The following UGT1A8 variants were observed in gnomAD, a reference collection of about 807,000 sequenced individuals.
UGT1A8 encodes the protein UDP glucuronosyltransferase family 1 member A8.
Under a neutral mutation model 45.3 loss-of-function variants are expected in UGT1A8, and 39 were observed. The observed-to-expected ratio is 0.86, with a 90% CI of 0.67 to 1.12. UGT1A8 has a LOEUF of 1.12. Ranked by LOEUF, UGT1A8 falls within the 50% of genes most tolerant of loss-of-function variation. The probability of loss-of-function intolerance (pLI) is 0.00; values close to 1 mark genes in which losing one functional copy is unlikely to be tolerated. For missense variants in UGT1A8, 719 were observed against 664.9 expected (o/e 1.08, Z -0.90); for synonymous variants, 275 against 249.2 (o/e 1.10, Z -0.97).
intron 1 of UGT1A8, chr2:233,753,231 A>G (rs1378697040): frequency 1.3e-5 from 2 of 152,142 alleles, no homozygotes; most frequent in African/African-American, 4.8e-5. Flanking sequence ...CTTCTTGTAT[A>G]GTTATTATTT....
intron 1 of UGT1A8, chr2:233,636,998 A>G: frequency 1.2e-6 from 2 of 1,613,946 alleles, no homozygotes; most frequent in Non-Finnish European, 1.7e-6. Flanking sequence ...ATTGTTGCTA[A>G]ATATTTCTCC....
In UGT1A8 at chr2:233,617,676, TCCCAGCTG is replaced by T. The variant is rs2072925371; in HGVS notation, c.-30_-23del. The T allele has an allele frequency of 6.3e-7, 1 of 1,594,840 alleles. No individual in the cohort carries two copies. The highest frequency in any genetic ancestry group is 1.1e-5 in the South Asian group (1 of 87,464). ...CCTACTGTATCATAGCAGCTTAGAA[TCCCAGCTG>T]CTGGCTCGGGCTGCAGTTCTCTCAT... On this transcript the variant is annotated 5_prime_UTR_variant, in exon 1 of 5. Transcript: ENST00000373450.
chr2:233,661,623 TTTTCTTTCTTTCTTTCTTTCTTTC>T (rs55749169), intron 1 of UGT1A8, among the ~76,000 whole-genome samples: 1,769 of 124,036 alleles, frequency 0.014, 17 homozygotes, highest in South Asian at 0.022. Context: ...ACTTACTGAA[TTTTCTTTCTTTCTTTCTTTCTTTC>T]TTTCTTTCTT....
chr2:233,697,312 G>A (rs150627234), intron 1 of UGT1A8, among the ~76,000 whole-genome samples: 114 of 152,132 alleles, frequency 7.5e-4, no homozygotes, highest in African/African-American at 2.7e-3. Flanking sequence ...TTGGTAGATT[G>A]TTTGTGTTTG....
chr2:233,741,535 C>T (rs1191111579), intron 1 of UGT1A8: 1 of 151,874 alleles, frequency 6.6e-6, no homozygotes, highest in East Asian at 1.9e-4. Context: ...CTGTCTTATT[C>T]TGATACTTCT....
chr2:233,748,602 G>C (rs1484667450), intron 1 of UGT1A8, among the ~76,000 whole-genome samples: 1 of 151,816 alleles, frequency 6.6e-6, no homozygotes, highest in Non-Finnish European at 1.5e-5. Flanking sequence ...AGTGGAAGTA[G>C]AGCAACGAAC....
intron 1 of UGT1A8, among the ~76,000 whole-genome samples, chr2:233,652,951 C>T (rs2073774636): frequency 6.6e-6 from 1 of 152,200 alleles, no homozygotes; most frequent in South Asian, 2.1e-4. Flanking sequence ...GAAACAACAA[C>T]AACAAAAAAC....
chr2:233,722,935 G>A (rs1228293492), intron 1 of UGT1A8, among the ~76,000 whole-genome samples: 1 of 129,296 alleles, frequency 7.7e-6, no homozygotes, highest in Non-Finnish European at 1.6e-5. Flanking sequence ...TTGTCTCCAT[G>A]CTGAGTGGGC....
chr2:233,656,782 C>G (rs866947986), intron 1 of UGT1A8, among the ~76,000 whole-genome samples: 6 of 152,118 alleles, frequency 3.9e-5, no homozygotes, highest in Non-Finnish European at 8.8e-5. Flanking sequence ...TCCCGCTGGC[C>G]AGGAGGGTTC....
intron 1 of UGT1A8, chr2:233,753,738 G>A (rs1695291371): frequency 6.6e-6 from 1 of 152,194 alleles, no homozygotes. Flanking sequence ...CCCAAGCACA[G>A]CAATAGGACA....
At chr2:233,749,725 C>T in intron 1 of UGT1A8, among the ~76,000 whole-genome samples, 1 of 151,866 alleles carries the variant, frequency 6.6e-6, no homozygotes, top group East Asian at 1.9e-4. Flanking sequence ...GGCAGTTTCG[C>T]ACCTGCTGGT....
chr2:233,680,713 T>C (rs977639275), intron 1 of UGT1A8, among the ~76,000 whole-genome samples: 7 of 152,232 alleles, frequency 4.6e-5, no homozygotes, highest in Admixed American at 2.0e-4. Context: ...TGTAATCTCA[T>C]CCTCAAGGGG....
intron 1 of UGT1A8, among the ~76,000 whole-genome samples, chr2:233,686,927 C>A (rs1301208091): frequency 1.3e-5 from 2 of 152,204 alleles, no homozygotes; most frequent in African/African-American, 4.8e-5. Flanking sequence ...ATCCCACTGG[C>A]TGACTCATGC....
chr2:233,754,718 T>C (rs548415116), intron 1 of UGT1A8: 30 of 561,924 alleles, frequency 5.3e-5, no homozygotes, highest in African/African-American at 4.6e-4. Flanking sequence ...TGAAGCTGCC[T>C]GTCCCATCAC....
At chr2:233,672,291 A>T in intron 1 of UGT1A8, 2 of 1,613,742 alleles carry the variant, frequency 1.2e-6, no homozygotes, top group Non-Finnish European at 8.5e-7. Flanking sequence ...TTTTTGACTT[A>T]TTTTTTTCAA....
At chr2:233,626,062 A>T (rs890332514) in intron 1 of UGT1A8, among the ~76,000 whole-genome samples, 1 of 152,072 alleles carries the variant, frequency 6.6e-6, no homozygotes, top group African/African-American at 2.4e-5. Context: ...GAAGCAGAAG[A>T]GGTAGAGGAG....
intron 1 of UGT1A8, chr2:233,637,120 G>A (rs1301389930): frequency 6.2e-7 from 1 of 1,613,930 alleles, no homozygotes; most frequent in Admixed American, 1.7e-5. Context: ...GTTCTCAGAT[G>A]CCATGACTTT....
intron 1 of UGT1A8, among the ~76,000 whole-genome samples, chr2:233,686,422 C>T (rs1254685697): frequency 6.6e-6 from 1 of 152,122 alleles, no homozygotes; most frequent in African/African-American, 2.4e-5. Flanking sequence ...CAGATAAACA[C>T]ACGCATGCTT....
chr2:233,651,385 G>A (rs2125476616), intron 1 of UGT1A8, among the ~76,000 whole-genome samples: 1 of 152,062 alleles, frequency 6.6e-6, no homozygotes, highest in South Asian at 2.1e-4. Context: ...AAACATATTG[G>A]CCATATATCA....
Sources: gnomAD v4.1 joint callset for allele counts (sites outside exome capture counted in the v4.1 genomes callset) on GRCh38, gnomAD v4.1.1 for gene constraint, MANE v1.5 for transcripts, NCBI Gene and HGNC (gene_info 2026-07-23, HGNC 2026-07-21) for gene names.